The following PUM2 variants were observed in gnomAD, a reference collection of about 807,000 sequenced individuals.
The protein encoded by PUM2 is pumilio homolog 2.
A neutral mutation model predicts 124.5 loss-of-function variants in PUM2; 57 were observed. The ratio of observed to expected loss-of-function variants is 0.46; its 90% CI spans 0.37 to 0.57. The LOEUF (loss-of-function observed/expected upper bound fraction) is 0.57. PUM2 is among the 20% of genes least tolerant of loss of function. The probability of loss-of-function intolerance (pLI) is 0.00; values close to 1 mark genes in which losing one functional copy is unlikely to be tolerated. For missense variants in PUM2, 1,065 were observed against 1,290.6 expected (o/e 0.83, Z 2.68); for synonymous variants, 460 against 446.1 (o/e 1.03, Z -0.39).
intron 10 of PUM2, among the ~76,000 whole-genome samples, chr2:20,288,815 C>G (rs539991814): frequency 3.3e-5 from 5 of 152,056 alleles, no homozygotes; most frequent in Non-Finnish European, 7.4e-5. Flanking sequence ...AGTCTGGGCA[C>G]AATGAAGTAA....
chr2:20,298,227 T>C lies in PUM2; in HGVS notation c.884-549A>G, dbSNP rs185906511. Among the ~76,000 whole-genome samples the C allele has an allele frequency of 3.9e-5, 6 of 152,178 alleles. No individual in the cohort carries two copies. In the East Asian group the frequency reaches 1.2e-3, roughly 29 times the overall value. On this transcript the variant is annotated intron_variant, in intron 7 of 20. Transcript: ENST00000361078. ...AGAGAGGAGGAACATCTAATAAACT[T>C]TGGAAGGGGTGAGTAAAATGAATGA...
At chr2:20,321,872 C>G (rs969856461) in intron 2 of PUM2, among the ~76,000 whole-genome samples, 9 of 152,106 alleles carry the variant, frequency 5.9e-5, no homozygotes, top group African/African-American at 2.2e-4. Context: ...ATCTGCTCTT[C>G]TATCCTAACT....
intron 1 of PUM2, among the ~76,000 whole-genome samples, chr2:20,336,635 G>A (rs73218109): frequency 0.028 from 4,149 of 150,860 alleles, 170 homozygotes; most frequent in African/African-American, 0.096. Context: ...TCCCAACTCC[G>A]CCTTCTGAGT....
chr2:20,276,500 T>G (rs1489971075), intron 13 of PUM2, among the ~76,000 whole-genome samples: 1 of 152,062 alleles, frequency 6.6e-6, no homozygotes, highest in East Asian at 1.9e-4. Flanking sequence ...CATGATTTCA[T>G]ATTCTTGATA....
intron 13 of PUM2, among the ~76,000 whole-genome samples, chr2:20,264,812 G>A (rs1284247821): frequency 6.6e-6 from 1 of 152,126 alleles, no homozygotes; most frequent in Admixed American, 6.5e-5. Flanking sequence ...ATTAAAGGTC[G>A]AAAAGGACTA....
At chr2:20,275,937 A>T (rs1670128852) in intron 13 of PUM2, among the ~76,000 whole-genome samples, 1 of 152,130 alleles carries the variant, frequency 6.6e-6, no homozygotes, top group South Asian at 2.1e-4. Flanking sequence ...ATTGTTAAAG[A>T]CATTTAAGTC....
At chr2:20,336,347 A>G (rs1441720035) in intron 1 of PUM2, among the ~76,000 whole-genome samples, 6 of 151,708 alleles carry the variant, frequency 4.0e-5, no homozygotes, top group Non-Finnish European at 8.8e-5. Context: ...ACTATGCCCA[A>G]CTAATTTTTG....
At chr2:20,295,500 G>A (rs888516882) in intron 8 of PUM2, among the ~76,000 whole-genome samples, 5 of 152,006 alleles carry the variant, frequency 3.3e-5, no homozygotes, top group Admixed American at 6.5e-5. Flanking sequence ...AACCTGAAAT[G>A]AGGACTATTA....
At chr2:20,298,982 C>A (rs906072929) in intron 7 of PUM2, among the ~76,000 whole-genome samples, 4 of 152,228 alleles carry the variant, frequency 2.6e-5, no homozygotes, top group Non-Finnish European at 5.9e-5. Flanking sequence ...AAGCTCCGCA[C>A]CCCTTCCTCC....
chr2:20,274,817 TA>T (rs1011119968), intron 13 of PUM2, among the ~76,000 whole-genome samples: 2 of 150,512 alleles, frequency 1.3e-5, no homozygotes, highest in East Asian at 1.9e-4. Flanking sequence ...AGACTGGAGT[TA>T]AAAAAAATTA....
chr2:20,303,809 T>C (rs1271520966), intron 7 of PUM2, among the ~76,000 whole-genome samples: 1 of 152,172 alleles, frequency 6.6e-6, no homozygotes, highest in Admixed American at 6.5e-5. Flanking sequence ...CAATGACTTA[T>C]TTACAAGACC....
Position 20,311,501 on chromosome 2 carries a change from C to G in PUM2, c.511G>C (p.Asp171His), listed in dbSNP as rs1001461361. Residue 171 changes from aspartate (D) to histidine (H), a missense_variant, in exon 5 of 21, where the codon GAT (aspartate) becomes CAT (histidine). Physicochemically the swap from Asp to His is moderately conservative, Grantham distance 81. Around this residue, in one of 3 missense-constraint regions of PUM2, gnomAD observed 968 missense variants for 1,159.8 expected, o/e 0.83. Transcript: ENST00000361078. ...LPNGMDADCK[D>H]FNRTPGSRQA... is the part of the protein sequence containing the mutation. Reference sequence around the variant, plus strand: ...AGAAAGTTAAAATCTTACTTAAAATCTTTGCAATCGGCATCCATTCCATTT... The same window carrying G: ...AGAAAGTTAAAATCTTACTTAAAATGTTTGCAATCGGCATCCATTCCATTT... 2 of 1,605,608 alleles carry G rather than the reference C, an allele frequency of 1.2e-6. No individual in the cohort carries two copies. The highest frequency in any genetic ancestry group is 2.2e-5 in the East Asian group (1 of 44,758).
In PUM2 at chr2:20,326,320, G is replaced by A. The variant is rs569526897; in HGVS notation, c.51+990C>T. ...TGGAAAACGCTGTTCTGAAGAAGGGGAGGGTTAGCTAGCTGCAGGGTGCCC... is the reference window on the plus strand; with the variant it reads ...TGGAAAACGCTGTTCTGAAGAAGGGAAGGGTTAGCTAGCTGCAGGGTGCCC... On this transcript the variant is annotated intron_variant, in intron 2 of 20. Coordinates refer to ENST00000361078, the MANE Select transcript of PUM2 (RefSeq NM_015317.5). The A allele has an allele frequency of 1.8e-5, 24 of 1,303,966 alleles. No homozygotes were observed. In the East Asian group the frequency reaches 1.3e-3, roughly 72 times the overall value. The allele number at this position is 1,303,966 out of a possible 1,614,324, so 80.8% of individuals were successfully genotyped here.
At chr2:20,293,207 A>G (rs1674649701) in intron 9 of PUM2, among the ~76,000 whole-genome samples, 1 of 152,238 alleles carries the variant, frequency 6.6e-6, no homozygotes, top group Admixed American at 6.5e-5. Flanking sequence ...TGATAAATTT[A>G]ATCATTAATT....
At chr2:20,327,697 T>A (rs968937339) in intron 1 of PUM2, among the ~76,000 whole-genome samples, 41 of 152,330 alleles carry the variant, frequency 2.7e-4, no homozygotes, top group African/African-American at 9.9e-4. Context: ...TAAGGTTTTT[T>A]GTTTGGTTGT....
chr2:20,285,436 A>G (rs1477349628), intron 10 of PUM2, among the ~76,000 whole-genome samples: 1 of 152,182 alleles, frequency 6.6e-6, no homozygotes, highest in African/African-American at 2.4e-5. Flanking sequence ...CCACAACATG[A>G]TCTGGTTGGT....
At chr2:20,333,964 G>C (rs895937647) in intron 1 of PUM2, among the ~76,000 whole-genome samples, 3 of 152,062 alleles carry the variant, frequency 2.0e-5, no homozygotes, top group African/African-American at 7.2e-5. Flanking sequence ...CTACAGCCAC[G>C]TAAGAGGTGC....
In PUM2 at chr2:20,294,660, T is replaced by C; in HGVS notation, c.1010-142A>G. On this transcript the variant is annotated intron_variant, in intron 8 of 20. Transcript: ENST00000361078. The stretch of plus-strand genomic sequence containing the variant: ...GTCTTTATAATAAAAGACAAAGTAT[T>C]GATGGGTGACAGCAATGGTCTTAAA... 4.0e-6 allele frequency: 4 copies of C among 1,001,928 alleles called. No individual in the cohort carries two copies. In the South Asian group the frequency reaches 8.0e-5, roughly 20 times the overall value. 62.1% of individuals were successfully genotyped at this position (1,001,928 alleles called of 1,614,324 possible). A position where few individuals can be genotyped will look rare whatever the true frequency, so the allele number is the denominator to read the frequency against.
In PUM2 at chr2:20,255,271, T is replaced by A. The variant is rs1384163753; in HGVS notation, c.2693A>T (p.Glu898Val). 1 of 1,607,458 alleles carries A rather than the reference T, an allele frequency of 6.2e-7. No individual in the cohort carries two copies. The highest frequency in any genetic ancestry group is 1.7e-5 in the Admixed American group (1 of 60,020). ...TTCTTCTAAGATAGGTAAGGTCTGT[T>A]CTGCAGTGCAATGCTCTAGGATGCG... ...IQRILEHCTA[E>V]QTLPILEELH... Residue 898 changes from glutamate to valine, a missense_variant, in exon 18 of 21, where the codon GAA (glutamate) becomes GTA (valine). Glu to Val is a moderately radical substitution (Grantham distance 121). Around this residue, in one of 3 missense-constraint regions of PUM2, gnomAD observed 968 missense variants for 1,159.8 expected, o/e 0.83. Transcript: ENST00000361078.
Sources: gnomAD v4.1 joint callset for allele counts (sites outside exome capture counted in the v4.1 genomes callset) on GRCh38, gnomAD v4.1.1 for gene constraint, gnomAD v4.1.1 regional missense constraint, MANE v1.5 for transcripts, NCBI Gene and HGNC (gene_info 2026-07-23, HGNC 2026-07-21) for gene names.